Variants in MATN2 observed in about 807,000 individuals in gnomAD.
MATN2 encodes the protein matrilin 2, also known as matrilin-2.
Under a neutral mutation model 103.2 loss-of-function variants are expected in MATN2, and 69 were observed. The ratio of observed to expected loss-of-function variants is 0.67; its 90% confidence interval spans 0.55 to 0.82. The LOEUF (loss-of-function observed/expected upper bound fraction) is 0.82, where lower values mean the gene tolerates loss of function less well. Among genes scored for constraint, MATN2 ranks in the 40% least tolerant of loss-of-function variants. The pLI is 0.00. For synonymous variants in MATN2, 429 were observed against 450.2 expected (o/e 0.95, Z 0.60); for missense variants, 1,023 against 1,211.5 (o/e 0.84, Z 2.31).
chr8:97,892,415 CAAAAAAAAAAA>C (rs35181049), intron 2 of MATN2, among the ~76,000 whole-genome samples: 1 of 78,054 alleles, frequency 1.3e-5, no homozygotes, highest in Non-Finnish European at 2.2e-5. Flanking sequence ...GACCCTGTCT[CAAAAAAAAAAA>C]AAAAAAAAAA....
intron 2 of MATN2, among the ~76,000 whole-genome samples, chr8:97,903,008 G>A (rs1427410929): frequency 6.6e-6 from 1 of 152,186 alleles, no homozygotes; most frequent in Non-Finnish European, 1.5e-5. Flanking sequence ...AGACTCCTGG[G>A]ATGTTATAGT....
intron 2 of MATN2, among the ~76,000 whole-genome samples, chr8:97,910,623 G>T (rs182355299): frequency 1.3e-5 from 2 of 152,346 alleles, no homozygotes; most frequent in African/African-American, 4.8e-5. Context: ...GAACTTTCAC[G>T]TAATATAAAG....
intron 6 of MATN2, among the ~76,000 whole-genome samples, chr8:97,981,579 C>T (rs180718334): frequency 4.6e-5 from 7 of 152,312 alleles, no homozygotes; most frequent in South Asian, 4.1e-4. Context: ...CAAGGGCCTA[C>T]AGTGTGATGC....
intron 1 of MATN2, among the ~76,000 whole-genome samples, chr8:97,884,593 A>T (rs1818365488): frequency 6.6e-6 from 1 of 152,108 alleles, no homozygotes; most frequent in African/African-American, 2.4e-5. Flanking sequence ...CAACATGATG[A>T]AACCCCGCCT....
At chr8:97,900,767 C>G (rs571198408) in intron 2 of MATN2, among the ~76,000 whole-genome samples, 1 of 152,134 alleles carries the variant, frequency 6.6e-6, no homozygotes, top group East Asian at 1.9e-4. Flanking sequence ...AACTCCGTCT[C>G]TGCTAAAAAT....
At chr8:97,898,791 C>T (rs968502379) in intron 2 of MATN2, among the ~76,000 whole-genome samples, 1 of 152,098 alleles carries the variant, frequency 6.6e-6, no homozygotes, top group Non-Finnish European at 1.5e-5. Flanking sequence ...CTTTTATCAC[C>T]CAGGCTGCAG....
At chr8:97,921,174 G>A (rs989975848) in intron 2 of MATN2, among the ~76,000 whole-genome samples, 3 of 152,250 alleles carry the variant, frequency 2.0e-5, no homozygotes, top group South Asian at 2.1e-4. Flanking sequence ...TCCCAGCATC[G>A]TATGCAGTGG....
intron 7 of MATN2, among the ~76,000 whole-genome samples, chr8:98,000,111 C>G (rs1307657241): frequency 6.6e-6 from 1 of 151,276 alleles, no homozygotes; most frequent in East Asian, 2.0e-4. Context: ...GAACTCCTGA[C>G]CTCAAGTGAT....
rs779873669 is a variant in MATN2 at position 97,931,531 on chromosome 8, T to C, written c.712+9T>C. On this transcript the variant is annotated intron_variant, in intron 3 of 18. Transcript: ENST00000254898. This position sits in a 1 kb window ranked among gnomAD's most constrained non-coding sequence, Gnocchi z 4.1. ...CCAGAAGAAGTTGTGCAGTAAGTCC[T>C]GCTCCTTTGTCACTCTTCTAGAGGA... The C allele has an allele frequency of 3.8e-6, 6 of 1,587,720 alleles. No individual in the cohort carries two copies. The South Asian group carries it at 6.9e-5, about 18-fold the overall frequency.
chr8:97,993,676 C>G (rs774602179), intron 6 of MATN2, among the ~76,000 whole-genome samples: 10 of 152,108 alleles, frequency 6.6e-5, no homozygotes, highest in Non-Finnish European at 1.3e-4. Context: ...ATGAGGTAAC[C>G]AGGAGGTGTT....
chr8:98,034,016 G>A (rs887990980), intron 18 of MATN2, among the ~76,000 whole-genome samples: 2 of 151,966 alleles, frequency 1.3e-5, no homozygotes, highest in South Asian at 2.1e-4. Flanking sequence ...TCAAAGGTAC[G>A]GTAAGTATAG....
chr8:97,986,895 C>T (rs1438661550), intron 6 of MATN2, among the ~76,000 whole-genome samples: 3 of 152,020 alleles, frequency 2.0e-5, no homozygotes, highest in South Asian at 2.1e-4. Context: ...TGCAGTGGCG[C>T]GATCTCGGCT....
intron 4 of MATN2, among the ~76,000 whole-genome samples, chr8:97,944,246 C>A (rs1310354954): frequency 6.6e-6 from 1 of 152,188 alleles, no homozygotes; most frequent in Non-Finnish European, 1.5e-5. Context: ...TTTCAATGAA[C>A]CGACGAATGA....
At chr8:98,010,764 C>T (rs1353626524) in intron 10 of MATN2, among the ~76,000 whole-genome samples, 5 of 152,138 alleles carry the variant, frequency 3.3e-5, no homozygotes, top group Non-Finnish European at 5.9e-5. Context: ...CTTCTGCAAG[C>T]GGAGGACACC....
intron 10 of MATN2, among the ~76,000 whole-genome samples, chr8:98,012,127 C>G (rs1018511802): frequency 6.6e-6 from 1 of 152,196 alleles, no homozygotes; most frequent in Non-Finnish European, 1.5e-5. Flanking sequence ...TTACTCTCCT[C>G]TCTGGGTTTG....
In MATN2 at chr8:98,036,251, A is replaced by G. The variant is rs937503766; in HGVS notation, c.*539A>G. 1 of 152,260 alleles carries G rather than the reference A, an allele frequency of 6.6e-6. No individual in the cohort carries two copies. Among genetic ancestry groups the G allele is most frequent in the Admixed American group, 6.5e-5 (1 of 15,286 alleles). 9.4% of individuals were successfully genotyped at this position (152,260 alleles called of 1,614,324 possible). ...GCAAAAATTCTTAGTTTAACTTTAA[A>G]TGGAAGATATGTATGTATGAGAAAT... On this transcript the variant is annotated 3_prime_UTR_variant, in exon 19 of 19. Coordinates refer to ENST00000254898, the MANE Select transcript of MATN2 (RefSeq NM_002380.5).
At chr8:98,011,500 A>G (rs1297064739) in intron 10 of MATN2, among the ~76,000 whole-genome samples, 1 of 152,212 alleles carries the variant, frequency 6.6e-6, no homozygotes, top group Non-Finnish European at 1.5e-5. Context: ...CCAGGACCAG[A>G]GCCGAGTCCC....
intron 1 of MATN2, among the ~76,000 whole-genome samples, chr8:97,887,635 T>C (rs1818481143): frequency 6.6e-6 from 1 of 152,216 alleles, no homozygotes; most frequent in South Asian, 2.1e-4. Flanking sequence ...TACACATGAA[T>C]TTTATATGTA....
chr8:97,914,917 T>C (rs1809570805), intron 2 of MATN2, among the ~76,000 whole-genome samples: 1 of 152,190 alleles, frequency 6.6e-6, no homozygotes, highest in Non-Finnish European at 1.5e-5. Context: ...TCCAGGGATC[T>C]TCCCCCACCC....
Sources: gnomAD v4.1 joint callset for allele counts (sites outside exome capture counted in the v4.1 genomes callset) on GRCh38, gnomAD v4.1.1 for gene constraint, Gnocchi (gnomAD v3.1) non-coding constraint, MANE v1.5 for transcripts, NCBI Gene and HGNC (gene_info 2026-07-23, HGNC 2026-07-21) for gene names.